The following CELF1 variants were observed in gnomAD, a reference collection of about 807,000 sequenced individuals.
CELF1 encodes CUGBP Elav-like family member 1.
A neutral mutation model predicts 61.8 loss-of-function variants in CELF1; 10 were observed. That is an observed-to-expected ratio of 0.16 (90% CI 0.10 to 0.27). The LOEUF (loss-of-function observed/expected upper bound fraction) is 0.27. Among genes scored for constraint, CELF1 ranks in the 10% least tolerant of loss-of-function variants. The pLI is 1.00. For synonymous variants in CELF1, 236 were observed against 225.1 expected, an observed-to-expected ratio of 1.05 and a Z score of -0.43; for missense variants, 380 against 639.1, an observed-to-expected ratio of 0.59 and a Z score of 4.37.
intron 3 of CELF1, among the ~76,000 whole-genome samples, chr11:47,491,418 C>T (rs774426111): frequency 2.1e-4 from 32 of 151,370 alleles, no homozygotes; most frequent in Admixed American, 3.3e-4. Flanking sequence ...CCTTGGCCTC[C>T]CAAGTGCTGG....
chr11:47,563,365 G>A (rs1369108013), intron 2 of CELF1, among the ~76,000 whole-genome samples: 1 of 152,212 alleles, frequency 6.6e-6, no homozygotes, highest in Non-Finnish European at 1.5e-5. Context: ...TAATTCATAA[G>A]GGGCTTATTT....
At position 47,487,813 on chromosome 11, in the gene CELF1, A is replaced by G. The variant is rs190567145; in HGVS notation, c.260-572T>C. Among the ~76,000 whole-genome samples the G allele has an allele frequency of 3.3e-5, 5 of 152,336 alleles. No homozygotes were observed. The East Asian group carries it at 7.7e-4, about 23-fold the overall frequency. On this transcript the variant is annotated intron_variant, in intron 4 of 14. Transcript: ENST00000687097. ...AATATAATTAAGCTTCTAAAAGCAC[A>G]TGGTGCTGCCTCAGATCTGTAGATT...
chr11:47,526,312 C>T (rs1204435153), intron 1 of CELF1, among the ~76,000 whole-genome samples: 3 of 151,924 alleles, frequency 2.0e-5, no homozygotes, highest in African/African-American at 7.3e-5. Flanking sequence ...AAGAGCAAAA[C>T]TCTGTCTCAA....
At chr11:47,551,899 T>C (rs1166833380) in intron 1 of CELF1, among the ~76,000 whole-genome samples, 3 of 151,494 alleles carry the variant, frequency 2.0e-5, no homozygotes, top group Non-Finnish European at 4.4e-5. Context: ...ATGCCTGTAA[T>C]CCCAGCTACT....
chr11:47,494,275 T>A, intron 3 of CELF1: 2 of 532,196 alleles, frequency 3.8e-6, no homozygotes, highest in Non-Finnish European at 4.8e-6. Flanking sequence ...GGATGAAACC[T>A]ACCCCCTCTC....
intron 7 of CELF1, among the ~76,000 whole-genome samples, 165 bp from the exon 8 acceptor site, chr11:47,483,697 G>GA (rs1317108609): frequency 1.2e-4 from 18 of 151,538 alleles, no homozygotes; most frequent in Non-Finnish European, 2.4e-4. Context: ...GTGCTATAAT[G>GA]AAAAAACAGA....
intron 1 of CELF1, among the ~76,000 whole-genome samples, chr11:47,537,230 G>A (rs1352522945): frequency 6.6e-6 from 1 of 150,798 alleles, no homozygotes; most frequent in Non-Finnish European, 1.5e-5. Flanking sequence ...GCTCCACAAG[G>A]TTTTTACCAT....
intron 2 of CELF1, among the ~76,000 whole-genome samples, chr11:47,500,259 ATGTGCTATCTAATGGTTAGAGCAAGG>A (rs1374960978): frequency 9.2e-5 from 14 of 151,592 alleles, no homozygotes; most frequent in African/African-American, 2.7e-4. Flanking sequence ...TGCTTTCTTG[ATGTGCTATCTAATGGTTAGAGCAAGG>A]TGTGCTATCT....
At chr11:47,562,394 T>A (rs1266081533) in intron 2 of CELF1, among the ~76,000 whole-genome samples, 1 of 151,330 alleles carries the variant, frequency 6.6e-6, no homozygotes, top group African/African-American at 2.4e-5. Context: ...CCAGGTGTGG[T>A]GGTACGCACC....
intron 1 of CELF1, among the ~76,000 whole-genome samples, chr11:47,528,973 T>A (rs1436772107): frequency 6.6e-6 from 1 of 151,840 alleles, no homozygotes; most frequent in Non-Finnish European, 1.5e-5. Flanking sequence ...GGATCACAGC[T>A]CACTGCAGCC....
Position 47,544,052 on chromosome 11 carries a change from C to T in CELF1, c.-154+8940G>A, listed in dbSNP as rs552256976. On this transcript the variant is annotated intron_variant, in intron 1 of 14. Transcript: ENST00000687097. Reference sequence around the variant, plus strand: ...TATGAAATCTAGGAAACCATATTACCCAAGTATTCCACAAGGAACAACGTC... The same window carrying T: ...TATGAAATCTAGGAAACCATATTACTCAAGTATTCCACAAGGAACAACGTC... Among the ~76,000 whole-genome samples, 9 of 152,228 alleles carry T rather than the reference C, an allele frequency of 5.9e-5. 1 individual carries two copies. The highest frequency in any genetic ancestry group is 2.2e-4 in the African/African-American group (9 of 41,544).
At chr11:47,539,286 T>C (rs2096715347) in intron 1 of CELF1, among the ~76,000 whole-genome samples, 2 of 152,070 alleles carry the variant, frequency 1.3e-5, no homozygotes, top group Non-Finnish European at 2.9e-5. Flanking sequence ...CAAATGCAAA[T>C]ATATATACTG....
intron 3 of CELF1, among the ~76,000 whole-genome samples, chr11:47,490,852 A>G (rs183332583): frequency 2.0e-5 from 3 of 150,882 alleles, no homozygotes; most frequent in African/African-American, 7.3e-5. Context: ...TTTAATTACT[A>G]TATATTTTCT....
At chr11:47,507,745 T>C (rs539920315) in intron 1 of CELF1, among the ~76,000 whole-genome samples, 1 of 152,264 alleles carries the variant, frequency 6.6e-6, no homozygotes, top group South Asian at 2.1e-4. Flanking sequence ...CAGAACTAAC[T>C]AGTAAGACAC....
chr11:47,551,657 A>G (rs893241225), intron 1 of CELF1, among the ~76,000 whole-genome samples: 1 of 152,210 alleles, frequency 6.6e-6, no homozygotes, highest in African/African-American at 2.4e-5. Context: ...GGCAAGGGGA[A>G]AGCATCCAAT....
At chr11:47,551,209 G>A (rs900271890) in intron 1 of CELF1, among the ~76,000 whole-genome samples, 8 of 152,186 alleles carry the variant, frequency 5.3e-5, no homozygotes, top group Middle Eastern at 3.4e-3. Context: ...AAAACCCTGG[G>A]TTTTCTTTAA....
chr11:47,532,727 G>C (rs963970982), intron 1 of CELF1, among the ~76,000 whole-genome samples: 2 of 152,170 alleles, frequency 1.3e-5, no homozygotes, highest in Non-Finnish European at 2.9e-5. Flanking sequence ...AAAAATCTCT[G>C]AAGTTTCTAG....
upstream of CELF1, among the ~76,000 whole-genome samples, chr11:47,555,960 AC>A (rs1229430711): frequency 2.7e-5 from 4 of 147,430 alleles, no homozygotes; most frequent in African/African-American, 1.0e-4. Context: ...AGATCGAACC[AC>A]TGCACTCCAG....
intron 1 of CELF1, among the ~76,000 whole-genome samples, chr11:47,512,599 C>A (rs892659969): frequency 1.3e-5 from 2 of 151,884 alleles, no homozygotes; most frequent in African/African-American, 4.8e-5. Context: ...CTCAGCCTCC[C>A]GAAATGTTGG....
Sources: gnomAD v4.1 joint callset for allele counts (sites outside exome capture counted in the v4.1 genomes callset) on GRCh38, gnomAD v4.1.1 for gene constraint, MANE v1.5 for transcripts, NCBI Gene and HGNC (gene_info 2026-07-23, HGNC 2026-07-21) for gene names.